Variants in ARHGEF4 observed in about 807,000 individuals in gnomAD.
The protein encoded by ARHGEF4 is Rho guanine nucleotide exchange factor 4.
Under a neutral mutation model 162.0 loss-of-function variants are expected in ARHGEF4, and 119 were observed. The ratio of observed to expected loss-of-function variants is 0.73; its 90% CI spans 0.63 to 0.86. The LOEUF (loss-of-function observed/expected upper bound fraction) is 0.86. Among genes scored for constraint, ARHGEF4 ranks in the 40% least tolerant of loss-of-function variants. The probability of loss-of-function intolerance (pLI) is 0.00; values close to 1 mark genes in which losing one functional copy is unlikely to be tolerated. For missense variants in ARHGEF4, 2,488 were observed against 2,456.0 expected (o/e 1.01, Z -0.28); for synonymous variants, 1,014 against 979.9 (o/e 1.03, Z -0.65).
intron 1 of ARHGEF4, among the ~76,000 whole-genome samples, chr2:130,875,023 T>C (rs1574138299): frequency 6.6e-6 from 1 of 152,340 alleles, no homozygotes; most frequent in East Asian, 1.9e-4. Context: ...CGTTTTTTGA[T>C]GTTTCTGTTG....
intron 4 of ARHGEF4, among the ~76,000 whole-genome samples, chr2:130,982,997 G>C (rs1460919467): frequency 2.6e-5 from 4 of 152,100 alleles, no homozygotes; most frequent in Admixed American, 2.6e-4. Flanking sequence ...ATTTTATATA[G>C]TTAAGAACAG....
intron 1 of ARHGEF4, among the ~76,000 whole-genome samples, chr2:130,897,708 C>A (rs1431364442): frequency 6.6e-6 from 1 of 152,210 alleles, no homozygotes; most frequent in Non-Finnish European, 1.5e-5. Context: ...GTGCTCTCTT[C>A]CATCTCAAGA....
At chr2:130,853,900 A>G (rs1469619557) in intron 1 of ARHGEF4, among the ~76,000 whole-genome samples, 1 of 152,186 alleles carries the variant, frequency 6.6e-6, no homozygotes, top group East Asian at 1.9e-4. Context: ...AAGGATGGAC[A>G]GTCATACCTA....
At chr2:130,837,047 G>C (rs1680242656) in intron 1 of ARHGEF4, 55 bp downstream of exon 1, 2 of 1,224,154 alleles carry the variant, frequency 1.6e-6, no homozygotes, top group Admixed American at 8.5e-5. Context: ...TGCGCGGGTG[G>C]GGAGGAGCAC....
In ARHGEF4 at chr2:131,028,085, G is replaced by A; in HGVS notation, c.4125+1G>A. 1 of 1,613,714 alleles carries A rather than the reference G, an allele frequency of 6.2e-7. No homozygotes were observed. Among genetic ancestry groups the A allele is most frequent in the South Asian group, 1.1e-5 (1 of 91,056 alleles). Reference sequence around the variant, plus strand: ...TGGGGAGCAGCTGGCTATCAATGAGGTAGGGTCAGGGCTGCACGGGCAGAG... The same window carrying A: ...TGGGGAGCAGCTGGCTATCAATGAGATAGGGTCAGGGCTGCACGGGCAGAG... On this transcript the variant is annotated splice_donor_variant, in intron 5 of 13. Transcript: ENST00000409359. LOFTEE classifies it high-confidence loss of function.
At chr2:131,016,489 T>G (rs576288448) in intron 4 of ARHGEF4, among the ~76,000 whole-genome samples, 12 of 152,374 alleles carry the variant, frequency 7.9e-5, no homozygotes, top group African/African-American at 2.2e-4. Context: ...CCCAGATTCC[T>G]GTTTCTACTC....
At chr2:130,890,975 T>C (rs1679831453) in intron 1 of ARHGEF4, among the ~76,000 whole-genome samples, 3 of 152,204 alleles carry the variant, frequency 2.0e-5, no homozygotes, top group Admixed American at 2.0e-4. Context: ...GTAGAAGCTC[T>C]GAGAAACTGA....
intron 4 of ARHGEF4, among the ~76,000 whole-genome samples, chr2:130,971,655 C>CAA (rs35136790): frequency 0.011 from 1,091 of 100,356 alleles, 25 homozygotes; most frequent in Non-Finnish European, 0.013. Flanking sequence ...GAGACTGTCT[C>CAA]AAAAAAAAAA....
chr2:130,843,798 C>A (rs1198459577), intron 1 of ARHGEF4, among the ~76,000 whole-genome samples: 1 of 152,242 alleles, frequency 6.6e-6, no homozygotes, highest in Non-Finnish European at 1.5e-5. Context: ...CACAGCGTAT[C>A]CTCGGGAAAT....
chr2:130,854,360 C>T (rs1217609331), intron 1 of ARHGEF4, among the ~76,000 whole-genome samples: 1 of 152,138 alleles, frequency 6.6e-6, no homozygotes, highest in Non-Finnish European at 1.5e-5. Context: ...GGTCATCACG[C>T]CCCACCTCTT....
intron 4 of ARHGEF4, among the ~76,000 whole-genome samples, chr2:130,957,978 G>A (rs902723985): frequency 2.0e-5 from 3 of 151,378 alleles, no homozygotes; most frequent in African/African-American, 7.3e-5. Context: ...GATTTTAATG[G>A]TATGTAATTT....
At chr2:130,962,634 G>A (rs948716362) in intron 4 of ARHGEF4, among the ~76,000 whole-genome samples, 6 of 152,156 alleles carry the variant, frequency 3.9e-5, no homozygotes, top group Admixed American at 6.5e-5. Flanking sequence ...ATGGACCCCA[G>A]TGGAGGGCAG....
intron 4 of ARHGEF4, among the ~76,000 whole-genome samples, chr2:130,959,739 C>T (rs1161455422): frequency 1.3e-5 from 2 of 152,098 alleles, no homozygotes; most frequent in Non-Finnish European, 2.9e-5. Context: ...AGTAATTTGC[C>T]CAAGGTCACA....
rs1266656865 is a variant in ARHGEF4, at chr2:131,028,062, G to A, written c.4103G>A (p.Gly1368Glu). The change falls in exon 5 of 14, where the codon GGG becomes GAG. Residue 1368 changes from glycine to glutamate, a missense_variant. By Grantham distance (98) the Gly-to-Glu change is moderately conservative. Coordinates refer to ENST00000409359, the MANE Select transcript of ARHGEF4 (RefSeq NM_001367493.1). ...SHHYSHPGGG[G>E]EQLAINELIS... is the part of the protein sequence containing the mutation. ...CACTACAGCCACCCTGGAGGGGGTGGGGAGCAGCTGGCTATCAATGAGGTA... is the reference window on the plus strand; with the variant it reads ...CACTACAGCCACCCTGGAGGGGGTGAGGAGCAGCTGGCTATCAATGAGGTA... 1 of 1,613,840 alleles carries A rather than the reference G, an allele frequency of 6.2e-7. No homozygotes were observed. The highest frequency in any genetic ancestry group is 8.5e-7 in the Non-Finnish European group (1 of 1,180,012).
At chr2:130,972,308 G>A (rs553864042) in intron 4 of ARHGEF4, among the ~76,000 whole-genome samples, 1 of 152,196 alleles carries the variant, frequency 6.6e-6, no homozygotes, top group Non-Finnish European at 1.5e-5. Flanking sequence ...TCTACTAAAG[G>A]CCTACTAATG....
chr2:130,903,581 G>A (rs1680639044), intron 1 of ARHGEF4, among the ~76,000 whole-genome samples: 1 of 152,150 alleles, frequency 6.6e-6, no homozygotes, highest in Admixed American at 6.5e-5. Flanking sequence ...GATCCAAGCT[G>A]TACATGTACA....
At chr2:130,946,920 T>A (rs1683658038) in intron 4 of ARHGEF4, 1 of 292,450 alleles carries the variant, frequency 3.4e-6, no homozygotes, top group Non-Finnish European at 6.8e-6. Context: ...CTGGGCAACA[T>A]GGTGAAACCC....
intron 4 of ARHGEF4, among the ~76,000 whole-genome samples, chr2:131,005,784 G>A (rs1047027354): frequency 5.9e-5 from 9 of 152,178 alleles, no homozygotes; most frequent in Non-Finnish European, 1.3e-4. Flanking sequence ...GTGCTGGGCA[G>A]CTTCCCGGCA....
chr2:131,045,575 CTGTT>C, intron 13 of ARHGEF4, 129 bp downstream of exon 13: 1 of 1,599,304 alleles, frequency 6.3e-7, no homozygotes. Context: ...CCCTTTGCAG[CTGTT>C]TGTTCCCAAA....
Sources: allele counts gnomAD v4.1 joint callset (sites outside exome capture counted in the v4.1 genomes callset), GRCh38; gene constraint gnomAD v4.1.1; transcripts MANE v1.5; gene names NCBI Gene and HGNC (gene_info 2026-07-23, HGNC 2026-07-21).